The following CDH8 variants were observed in gnomAD, a reference collection of about 807,000 sequenced individuals.
The protein encoded by CDH8 is cadherin 8.
CDH8 carries 17 observed loss-of-function variants against 68.1 expected under a neutral mutation model. That is an observed-to-expected ratio of 0.25 (90% CI 0.17 to 0.37). The LOEUF is 0.37. Among genes scored for constraint, CDH8 ranks in the 10% least tolerant of loss-of-function variants. The pLI, the probability that CDH8 is intolerant of heterozygous loss-of-function variation, is 1.00. For synonymous variants in CDH8, 372 were observed against 365.1 expected, an observed-to-expected ratio of 1.02 and a Z score of -0.21; for missense variants, 763 against 999.3, an observed-to-expected ratio of 0.76 and a Z score of 3.19.
chr16:61,847,621 T>C (rs2143010942), intron 4 of CDH8, among the ~76,000 whole-genome samples: 1 of 150,224 alleles, frequency 6.7e-6, no homozygotes, highest in Admixed American at 6.7e-5. Context: ...CTTATGATGT[T>C]TAACTCTCTG....
In CDH8 at chr16:61,647,263, C is replaced by G. The variant is rs1315244817; in HGVS notation, c.*6345G>C. The G allele has an allele frequency of 6.6e-6, 1 of 151,710 alleles. No individual in the cohort carries two copies. The highest frequency in any genetic ancestry group is 1.5e-5 in the Non-Finnish European group (1 of 67,912). 9.4% of individuals were successfully genotyped at this position (151,710 alleles called of 1,614,324 possible). ...AGAATTTTTATGTTTAAAGCTCTTT[C>G]TTAAAGTTTATTTGCAATATCATTA... On this transcript the variant is annotated 3_prime_UTR_variant, in exon 12 of 12. Coordinates refer to ENST00000577390, the MANE Select transcript of CDH8 (RefSeq NM_001796.5).
At chr16:61,783,695 G>A (rs879251538) in intron 8 of CDH8, among the ~76,000 whole-genome samples, 6 of 150,958 alleles carry the variant, frequency 4.0e-5, no homozygotes, top group East Asian at 2.0e-4. Flanking sequence ...GAGAAAGGTC[G>A]GGTTACCCTC....
At chr16:61,705,629 C>T (rs572380727) in intron 10 of CDH8, among the ~76,000 whole-genome samples, 5 of 152,228 alleles carry the variant, frequency 3.3e-5, no homozygotes, top group South Asian at 2.1e-4. Context: ...TGATTAAAGA[C>T]GCACATCACC....
At position 62,021,288 on chromosome 16, in the gene CDH8, A is replaced by G. The variant is rs145464792; in HGVS notation, c.116T>C (p.Met39Thr). 2 of 1,613,938 alleles carry G rather than the reference A, an allele frequency of 1.2e-6. No homozygotes were observed. Among genetic ancestry groups the G allele is most frequent in the South Asian group, 1.1e-5 (1 of 91,084 alleles). Residue 39 changes from methionine to threonine, a missense_variant, in exon 2 of 12, where the codon ATG becomes ACG. By Grantham distance (81) the Met-to-Thr change is moderately conservative (BLOSUM62 -1). Coordinates refer to ENST00000577390, the MANE Select transcript of CDH8 (RefSeq NM_001796.5). ...MAPMNQSQVL[M>T]SGSPLELNSL... ...GTTTAGTTCCAAAGGGGATCCACTC[A>G]TTAAAACTTGAGACTGATTCATCGG...
intron 4 of CDH8, among the ~76,000 whole-genome samples, chr16:61,839,217 T>TC (rs1962633530): frequency 6.6e-6 from 1 of 152,158 alleles, no homozygotes; most frequent in Non-Finnish European, 1.5e-5. Context: ...AACTTTTTTT[T>TC]CCTTTCTGTT....
At chr16:61,955,524 T>A (rs2143608015) in intron 2 of CDH8, among the ~76,000 whole-genome samples, 1 of 152,316 alleles carries the variant, frequency 6.6e-6, no homozygotes, top group South Asian at 2.1e-4. Flanking sequence ...CTTTGGTCAA[T>A]TAAATTCTGT....
rs193230295 is a variant in CDH8, at chr16:61,751,902, T to C, written c.1415-24687A>G. Among the ~76,000 whole-genome samples, 559 of 152,240 alleles carry C rather than the reference T, an allele frequency of 3.7e-3. 1 individual carries two copies. The highest frequency in any genetic ancestry group is 6.1e-3 in the Non-Finnish European group (412 of 67,988). ...ATATTCTTCAAGCCAAATAATATTG[T>C]TAATAATTTATTCCTGGATTACCTA... is the stretch of plus-strand genomic sequence containing the variant. On this transcript the variant is annotated intron_variant, in intron 8 of 11. Transcript: ENST00000577390.
At chr16:61,925,406 TATTATTACAGAAAATATTGAG>T (rs1409750932) in intron 2 of CDH8, among the ~76,000 whole-genome samples, 1 of 152,212 alleles carries the variant, frequency 6.6e-6, no homozygotes, top group African/African-American at 2.4e-5. Context: ...TAAAATACTA[TATTATTACAGAAAATATTGAG>T]TAGCTCAAAA....
At chr16:61,912,915 G>T (rs1322688704) in intron 2 of CDH8, among the ~76,000 whole-genome samples, 1 of 151,698 alleles carries the variant, frequency 6.6e-6, no homozygotes, top group African/African-American at 2.4e-5. Flanking sequence ...ATCACAAACA[G>T]AAAATATTTT....
intron 3 of CDH8, among the ~76,000 whole-genome samples, chr16:61,872,971 A>T (rs1963397004): frequency 6.6e-6 from 1 of 152,188 alleles, no homozygotes; most frequent in Admixed American, 6.5e-5. Context: ...AGTCAGTTAC[A>T]ATTTAGGACA....
intron 2 of CDH8, among the ~76,000 whole-genome samples, chr16:62,005,860 T>A (rs1027627929): frequency 6.6e-6 from 1 of 151,126 alleles, no homozygotes; most frequent in Non-Finnish European, 1.5e-5. Context: ...AGGGACCACA[T>A]AAACCATGTG....
Position 61,653,556 on chromosome 16 carries a change from C to T in CDH8, c.*52G>A. The T allele has an allele frequency of 1.3e-6, 2 of 1,549,304 alleles. No individual in the cohort carries two copies. The highest frequency in any genetic ancestry group is 1.7e-6 in the Non-Finnish European group (2 of 1,150,566). On this transcript the variant is annotated 3_prime_UTR_variant, in exon 12 of 12. Coordinates refer to ENST00000577390, the MANE Select transcript of CDH8 (RefSeq NM_001796.5). ...CATTGGTTGTATCTAAGGGGAGTGACCCTAGAATATTACAGAATGCTCAGT... is the reference window on the plus strand; with the variant it reads ...CATTGGTTGTATCTAAGGGGAGTGATCCTAGAATATTACAGAATGCTCAGT...
rs1315568004 is a variant in CDH8 at position 61,982,242 on chromosome 16, C to CA, written c.252+38909dup. ...GGCAATTTTCTTTTTTTTTTTAAGACAGAGTCTCGCTCTATCGCCCAGGCT... is the reference window on the plus strand; with the variant it reads ...GGCAATTTTCTTTTTTTTTTTAAGACAAGAGTCTCGCTCTATCGCCCAGGCT... On this transcript the variant is annotated intron_variant, in intron 2 of 11. Coordinates refer to ENST00000577390, the MANE Select transcript of CDH8 (RefSeq NM_001796.5). Among the ~76,000 whole-genome samples the CA allele has an allele frequency of 2.6e-5, 4 of 151,668 alleles. No homozygotes were observed. In the South Asian group the frequency reaches 8.3e-4, roughly 32 times the overall value.
chr16:61,936,592 T>C (rs1964630518), intron 2 of CDH8, among the ~76,000 whole-genome samples: 1 of 152,156 alleles, frequency 6.6e-6, no homozygotes, highest in Non-Finnish European at 1.5e-5. Context: ...AAGAGGCATG[T>C]TCAAGTATTC....
chr16:61,822,109 T>C (rs926880350), intron 5 of CDH8, among the ~76,000 whole-genome samples: 11 of 151,394 alleles, frequency 7.3e-5, no homozygotes, highest in African/African-American at 2.7e-4. Context: ...TAACTTTGAG[T>C]TTTTTCTTTT....
chr16:61,864,923 G>A (rs942461927), intron 3 of CDH8, among the ~76,000 whole-genome samples: 9 of 152,140 alleles, frequency 5.9e-5, no homozygotes, highest in African/African-American at 1.9e-4. Flanking sequence ...AAAGCCAGTT[G>A]AATAAGAGGC....
intron 4 of CDH8, among the ~76,000 whole-genome samples, chr16:61,827,526 A>G (rs1249078987): frequency 6.6e-6 from 1 of 151,944 alleles, no homozygotes; most frequent in Non-Finnish European, 1.5e-5. Flanking sequence ...AAAATGTAAA[A>G]CAAAACAAAA....
intron 3 of CDH8, among the ~76,000 whole-genome samples, chr16:61,888,712 A>C (rs774308268): frequency 7.2e-5 from 11 of 152,208 alleles, no homozygotes; most frequent in Non-Finnish European, 1.5e-4. Context: ...TATTAAATTA[A>C]TTAGTCATTA....
intron 2 of CDH8, among the ~76,000 whole-genome samples, chr16:61,903,978 A>T (rs1328482184): frequency 2.0e-5 from 3 of 152,152 alleles, no homozygotes; most frequent in Non-Finnish European, 4.4e-5. Context: ...TGAGGTATAT[A>T]CGTCCTCTTT....
Sources: gnomAD v4.1 joint callset for allele counts (sites outside exome capture counted in the v4.1 genomes callset) on GRCh38, gnomAD v4.1.1 for gene constraint, MANE v1.5 for transcripts, NCBI Gene and HGNC (gene_info 2026-07-23, HGNC 2026-07-21) for gene names.